PGCKA1: variants seen among roughly 807,000 people sequenced by gnomAD.
PGCKA1 encodes PDCD10 and GCKIII kinases-associated protein 1.
At chr4:37,459,408 C>T in the PGCKA1 span, among the ~76,000 whole-genome samples, 1 of 152,116 alleles carries the variant, frequency 6.6e-6, no homozygotes, top group Admixed American at 6.5e-5. Flanking sequence ...TCAAAAGATC[C>T]TCACGTCATT....
chr4:37,536,563 C>T, the PGCKA1 span, among the ~76,000 whole-genome samples: 1 of 152,124 alleles, frequency 6.6e-6, no homozygotes, highest in Non-Finnish European at 1.5e-5. Flanking sequence ...AAAAGGTACA[C>T]TTCCAAGCTC....
At chr4:37,477,121 A>G in the PGCKA1 span, among the ~76,000 whole-genome samples, 1 of 152,236 alleles carries the variant, frequency 6.6e-6, no homozygotes. Flanking sequence ...ATTATTCATA[A>G]TATCCCAAAA....
At chr4:37,457,889 T>C in the PGCKA1 span, among the ~76,000 whole-genome samples, 3 of 152,220 alleles carry the variant, frequency 2.0e-5, no homozygotes, top group South Asian at 4.1e-4. Flanking sequence ...ATAGTTTCAA[T>C]GTACAGCTCT....
At chr4:37,545,918 T>C in the PGCKA1 span, among the ~76,000 whole-genome samples, 4 of 152,234 alleles carry the variant, frequency 2.6e-5, no homozygotes, top group African/African-American at 9.6e-5. Flanking sequence ...CCTTAAAATA[T>C]AGTACATATT....
the PGCKA1 span, among the ~76,000 whole-genome samples, chr4:37,540,294 G>A: frequency 6.6e-6 from 1 of 152,236 alleles, no homozygotes; most frequent in Middle Eastern, 3.4e-3. Context: ...ATGAACAAAG[G>A]TCTTTAAGCA....
chr4:37,542,778 C>T, the PGCKA1 span, among the ~76,000 whole-genome samples: 1 of 152,156 alleles, frequency 6.6e-6, no homozygotes, highest in Admixed American at 6.5e-5. Context: ...TTGTAGGACA[C>T]CACCCCAACT....
chr4:37,518,124 T>C, the PGCKA1 span, among the ~76,000 whole-genome samples: 1 of 152,252 alleles, frequency 6.6e-6, no homozygotes, highest in African/African-American at 2.4e-5. Context: ...AGTATTCCCT[T>C]GTGTATATGT....
chr4:37,481,009 T>C, the PGCKA1 span, among the ~76,000 whole-genome samples: 1 of 152,230 alleles, frequency 6.6e-6, no homozygotes, highest in African/African-American at 2.4e-5. Flanking sequence ...CATTAAAGGC[T>C]CTGAGGAGTC....
chr4:37,556,183 C>A, the PGCKA1 span, among the ~76,000 whole-genome samples: 26 of 152,274 alleles, frequency 1.7e-4, 1 homozygote, highest in African/African-American at 5.3e-4. Flanking sequence ...CTGTCACATT[C>A]CCCTTGCCTA....
At chr4:37,458,938 A>G in the PGCKA1 span, among the ~76,000 whole-genome samples, 4 of 152,300 alleles carry the variant, frequency 2.6e-5, no homozygotes, top group South Asian at 6.2e-4. Flanking sequence ...CAAAATTCCT[A>G]TTTTACAGGT....
the PGCKA1 span, among the ~76,000 whole-genome samples, chr4:37,475,999 ATATAT>A: frequency 6.7e-6 from 1 of 150,164 alleles, no homozygotes; most frequent in East Asian, 1.9e-4. Flanking sequence ...ATTATTTAAA[ATATAT>A]TATTTAAAAT....
At chr4:37,502,798 C>T in the PGCKA1 span, among the ~76,000 whole-genome samples, 1 of 152,068 alleles carries the variant, frequency 6.6e-6, no homozygotes, top group Admixed American at 6.5e-5. Flanking sequence ...CTCTACCAGT[C>T]AGGCATGGTC....
chr4:37,464,859 AGT>A, the PGCKA1 span, among the ~76,000 whole-genome samples: 1 of 152,238 alleles, frequency 6.6e-6, no homozygotes, highest in Non-Finnish European at 1.5e-5. Context: ...TGTTTGTATT[AGT>A]GTGAGGCAGA....
At chr4:37,464,459 T>C in the PGCKA1 span, among the ~76,000 whole-genome samples, 1 of 152,212 alleles carries the variant, frequency 6.6e-6, no homozygotes, top group Non-Finnish European at 1.5e-5. Flanking sequence ...CTCTAATGTG[T>C]GTCTACCTAG....
the PGCKA1 span, among the ~76,000 whole-genome samples, chr4:37,546,189 T>C: frequency 6.6e-6 from 1 of 152,224 alleles, no homozygotes; most frequent in Admixed American, 6.5e-5. Context: ...AAAAAGGTAC[T>C]GAGGGAACAG....
At chr4:37,515,856 A>G in the PGCKA1 span, among the ~76,000 whole-genome samples, 1 of 152,264 alleles carries the variant, frequency 6.6e-6, no homozygotes, top group African/African-American at 2.4e-5. Context: ...ATACCTGTTT[A>G]TAAGAGCAAT....
chr4:37,570,146 A>ATTTTTTTTTT, the PGCKA1 span, among the ~76,000 whole-genome samples: 1,744 of 78,664 alleles, frequency 0.022, no homozygotes, highest in East Asian at 0.023. Context: ...CGCCTGGCTA[A>ATTTTTTTTTT]TTTTTTTTTT....
At chr4:37,571,125 G>T in the PGCKA1 span, among the ~76,000 whole-genome samples, 13 of 152,254 alleles carry the variant, frequency 8.5e-5, no homozygotes, top group Admixed American at 4.6e-4. Context: ...CCTGTGGGGA[G>T]CTCATGTGTA....
At chr4:37,577,711 C>T in the PGCKA1 span, among the ~76,000 whole-genome samples, 1 of 152,024 alleles carries the variant, frequency 6.6e-6, no homozygotes, top group African/African-American at 2.4e-5. Flanking sequence ...CTAAGTACTG[C>T]TTTTGCTGGA....
Sources: gnomAD v4.1 joint callset for allele counts (sites outside exome capture counted in the v4.1 genomes callset) on GRCh38, gnomAD v4.1.1 for gene constraint, MANE v1.5 for transcripts, NCBI Gene and HGNC (gene_info 2026-07-23, HGNC 2026-07-21) for gene names.